Variants in MBOAT1 observed in about 807,000 individuals in gnomAD.
MBOAT1 encodes the protein membrane bound glycerophospholipid O-acyltransferase 1, also known as membrane-bound glycerophospholipid O-acyltransferase 1.
In MBOAT1, 67 loss-of-function variants were observed where a neutral mutation model predicts 64.4. The observed-to-expected ratio is 1.04, with a 90% CI of 0.85 to 1.27. The LOEUF is 1.27. Among genes scored for constraint, MBOAT1 ranks in the 50% most tolerant of loss-of-function variants. The pLI is 0.00. For missense variants in MBOAT1, 563 were observed against 604.6 expected (o/e 0.93, Z 0.72); for synonymous variants, 229 against 218.9 (o/e 1.05, Z -0.41).
At chr6:20,148,119 C>T (rs1761380845) in intron 3 of MBOAT1, among the ~76,000 whole-genome samples, 1 of 152,168 alleles carries the variant, frequency 6.6e-6, no homozygotes, top group South Asian at 2.1e-4. Flanking sequence ...GAATAACAGT[C>T]CAGAAATGGG....
intron 1 of MBOAT1, among the ~76,000 whole-genome samples, chr6:20,178,148 A>C (rs138497481): frequency 6.6e-6 from 1 of 152,268 alleles, no homozygotes; most frequent in African/African-American, 2.4e-5. Flanking sequence ...TATACAATTA[A>C]TTTTTTCAAT....
At position 20,151,274 on chromosome 6, in the gene MBOAT1, A is replaced by C. The variant is rs1373972976; in HGVS notation, c.246-12T>G. 7.6e-6 allele frequency: 12 copies of C among 1,587,962 alleles called. No homozygotes were observed. The highest frequency in any genetic ancestry group is 1.0e-5 in the Non-Finnish European group (12 of 1,157,878). On this transcript the variant is annotated splice_polypyrimidine_tract_variant and intron_variant, in intron 2 of 12. Coordinates refer to ENST00000324607, the MANE Select transcript of MBOAT1 (RefSeq NM_001080480.3). ...GATGCACAGAGTACCTTTAAGACAT[A>C]ATAGTAGGGGGAGGAGTAATGAATA...
chr6:20,112,208 A>C (rs1760190956), intron 11 of MBOAT1, among the ~76,000 whole-genome samples: 2 of 152,076 alleles, frequency 1.3e-5, no homozygotes, highest in African/African-American at 2.4e-5. Flanking sequence ...CTGAATCGCA[A>C]TTACTTCTAT....
intron 1 of MBOAT1, among the ~76,000 whole-genome samples, chr6:20,205,859 A>G (rs970201036): frequency 6.6e-6 from 1 of 152,210 alleles, no homozygotes; most frequent in Non-Finnish European, 1.5e-5. Flanking sequence ...GCTCAGAGTC[A>G]GTCACTGGAC....
At chr6:20,140,740 C>T (rs1343966346) in intron 4 of MBOAT1, among the ~76,000 whole-genome samples, 2 of 152,146 alleles carry the variant, frequency 1.3e-5, no homozygotes, top group African/African-American at 4.8e-5. Context: ...ACTTCTTGGC[C>T]TCCATAATCA....
rs150722685 is a variant in MBOAT1, at chr6:20,162,972, T to TA, written c.100-10204dup. 3.8e-3 allele frequency among the ~76,000 whole-genome samples: 576 copies of TA among 152,278 alleles called. 6 individuals carry two copies. Among genetic ancestry groups the TA allele is most frequent in the Admixed American group, 7.2e-3 (110 of 15,300 alleles). On this transcript the variant is annotated intron_variant, in intron 1 of 12. Transcript: ENST00000324607. ...CTCAGAGAAAGAGTCCTTATACACTTAGAGATTAAATTGTACAGGGAGACT... is the reference window on the plus strand; with the variant it reads ...CTCAGAGAAAGAGTCCTTATACACTTAAGAGATTAAATTGTACAGGGAGACT...
intron 1 of MBOAT1, among the ~76,000 whole-genome samples, chr6:20,157,173 T>C (rs1761719563): frequency 6.6e-6 from 1 of 152,164 alleles, no homozygotes; most frequent in South Asian, 2.1e-4. Flanking sequence ...AAGCCTGTAA[T>C]CCTAGTTACT....
intron 1 of MBOAT1, among the ~76,000 whole-genome samples, chr6:20,206,321 G>A (rs970304477): frequency 6.6e-6 from 1 of 152,114 alleles, no homozygotes; most frequent in Non-Finnish European, 1.5e-5. Flanking sequence ...CTGCAGGCTT[G>A]TGCCACCACA....
At chr6:20,127,194 T>C (rs1433407666) in intron 6 of MBOAT1, among the ~76,000 whole-genome samples, 1 of 152,180 alleles carries the variant, frequency 6.6e-6, no homozygotes, top group Non-Finnish European at 1.5e-5. Context: ...AGTAGCAGCC[T>C]GTTGTCTGCT....
At chr6:20,202,406 T>C (rs1318732117) in intron 1 of MBOAT1, among the ~76,000 whole-genome samples, 2 of 152,186 alleles carry the variant, frequency 1.3e-5, no homozygotes, top group African/African-American at 4.8e-5. Context: ...AATGATAGTT[T>C]GCTGGAAATC....
intron 12 of MBOAT1, among the ~76,000 whole-genome samples, chr6:20,109,055 C>G (rs1446085353): frequency 6.6e-6 from 1 of 152,190 alleles, no homozygotes; most frequent in East Asian, 1.9e-4. Context: ...AAAGGTTGGT[C>G]TGTGGTGCGA....
intron 1 of MBOAT1, among the ~76,000 whole-genome samples, chr6:20,181,975 C>T (rs143626504): frequency 5.8e-4 from 89 of 152,252 alleles, no homozygotes; most frequent in African/African-American, 2.0e-3. Flanking sequence ...GGTTTAAATC[C>T]CTGCTCATCT....
Position 20,115,368 on chromosome 6 carries a change from T to C in MBOAT1, c.1012-16A>G. On this transcript the variant is annotated splice_polypyrimidine_tract_variant and intron_variant, in intron 9 of 12. Transcript: ENST00000324607. ...TTGTGGCAGTCTGGAAAGAAGAAAA[T>C]AACACCTATCATTAGCTTTAAAAAT... 6.2e-7 allele frequency: 1 copy of C among 1,603,320 alleles called. No individual in the cohort carries two copies. Among genetic ancestry groups the C allele is most frequent in the African/African-American group, 1.3e-5 (1 of 74,754 alleles).
chr6:20,159,805 CA>C (rs1163076039), intron 1 of MBOAT1, among the ~76,000 whole-genome samples: 5 of 152,140 alleles, frequency 3.3e-5, no homozygotes, highest in African/African-American at 1.2e-4. Flanking sequence ...ATAAAACTTA[CA>C]AAACATATGT....
Position 20,204,508 on chromosome 6 carries a change from T to A in MBOAT1, c.99+7628A>T, listed in dbSNP as rs181199033. ...AAGTAAAAGGCAGAGCAATGTGATA[T>A]GGATAGGACGCTATGGAGAAACAGA... On this transcript the variant is annotated intron_variant, in intron 1 of 12. Transcript: ENST00000324607. Among the ~76,000 whole-genome samples the A allele has an allele frequency of 5.9e-4, 90 of 151,786 alleles. 1 individual carries two copies. The Middle Eastern group carries it at 0.027, about 46-fold the overall frequency.
rs149730371 is a variant in MBOAT1 at position 20,168,599 on chromosome 6, GAGAGAAGAGAAGAGAAGAGA to G, written c.100-15850_100-15831del. 6.7e-3 allele frequency among the ~76,000 whole-genome samples: 571 copies of G among 84,724 alleles called. 11 individuals are homozygous for G. The highest frequency in any genetic ancestry group is 0.032 in the South Asian group (66 of 2,076). The allele number at this position is 84,724 out of a possible 152,430, so 55.6% of individuals were successfully genotyped here. On this transcript the variant is annotated intron_variant, in intron 1 of 12. Transcript: ENST00000324607. ...AGAGAAAGAGAGAGAGGGAGAGAAA[GAGAGAAGAGAAGAGAAGAGA>G]AGAGAAGAGAAGAGAAGAGAAGAGA...
chr6:20,168,502 A>AGAGAGGAGAGGAGAGGAGAG (rs1226993180), intron 1 of MBOAT1, among the ~76,000 whole-genome samples: 1 of 92,900 alleles, frequency 1.1e-5, no homozygotes. Flanking sequence ...AGAGAGAGAG[A>AGAGAGGAGAGGAGAGGAGAG]GAGAGGAGAG....
chr6:20,168,121 T>C (rs1369295637), intron 1 of MBOAT1, among the ~76,000 whole-genome samples: 3 of 152,208 alleles, frequency 2.0e-5, no homozygotes, highest in South Asian at 2.1e-4. Flanking sequence ...CAAATGAGAT[T>C]TGGGCTGTTA....
At chr6:20,134,147 C>G (rs1760911316) in intron 4 of MBOAT1, among the ~76,000 whole-genome samples, 1 of 152,184 alleles carries the variant, frequency 6.6e-6, no homozygotes, top group Non-Finnish European at 1.5e-5. Context: ...GCTTTTCCAG[C>G]CTCATCCATT....
Sources: allele counts gnomAD v4.1 joint callset (sites outside exome capture counted in the v4.1 genomes callset), GRCh38; gene constraint gnomAD v4.1.1; transcripts MANE v1.5; gene names NCBI Gene and HGNC (gene_info 2026-07-23, HGNC 2026-07-21).